The following WWOX variants were observed in gnomAD, a reference collection of about 807,000 sequenced individuals.
The protein encoded by WWOX is WW domain-containing oxidoreductase.
Under a neutral mutation model 46.2 loss-of-function variants are expected in WWOX, and 69 were observed. That is an observed-to-expected ratio of 1.49 (90% CI 1.23 to 1.82). WWOX has a LOEUF of 1.82. Among genes scored for constraint, WWOX ranks in the 40% most tolerant of loss-of-function variants. WWOX has a pLI of 0.00. For missense variants in WWOX, 919 were observed against 542.6 expected, an observed-to-expected ratio of 1.69 and a Z score of -6.89; for synonymous variants, 359 against 202.6, an observed-to-expected ratio of 1.77 and a Z score of -6.56.
chr16:78,379,888 A>G (rs2081916950), intron 5 of WWOX, among the ~76,000 whole-genome samples: 1 of 152,232 alleles, frequency 6.6e-6, no homozygotes, highest in African/African-American at 2.4e-5. Context: ...ATTGGTAAGC[A>G]TAATGTAGGC....
chr16:78,397,377 G>T (rs1201696758), intron 6 of WWOX, among the ~76,000 whole-genome samples: 1 of 152,144 alleles, frequency 6.6e-6, no homozygotes, highest in Non-Finnish European at 1.5e-5. Context: ...TCCTTATAAT[G>T]ACTCTAAGAG....
chr16:78,600,921 C>T (rs1201650009), intron 8 of WWOX, among the ~76,000 whole-genome samples: 1 of 152,184 alleles, frequency 6.6e-6, no homozygotes, highest in Non-Finnish European at 1.5e-5. Context: ...TCAGTCTCTG[C>T]AGGGCATCTG....
chr16:78,570,113 A>G (rs1462062822), intron 8 of WWOX, among the ~76,000 whole-genome samples: 2 of 152,238 alleles, frequency 1.3e-5, no homozygotes, highest in Non-Finnish European at 2.9e-5. Flanking sequence ...AAAGGGAGAC[A>G]GGTGAGAATA....
At chr16:78,605,849 T>C (rs1246800906) in intron 8 of WWOX, among the ~76,000 whole-genome samples, 1 of 152,140 alleles carries the variant, frequency 6.6e-6, no homozygotes, top group Non-Finnish European at 1.5e-5. Flanking sequence ...GTGTGTGTTG[T>C]TCTTTTTTTC....
At chr16:78,569,320 A>G (rs899569586) in intron 8 of WWOX, among the ~76,000 whole-genome samples, 1 of 152,326 alleles carries the variant, frequency 6.6e-6, no homozygotes, top group African/African-American at 2.4e-5. Context: ...AAAATGTCCT[A>G]TTTCATATCA....
chr16:78,689,486 T>C (rs74692107), intron 8 of WWOX, among the ~76,000 whole-genome samples: 305 of 152,332 alleles, frequency 2.0e-3, no homozygotes, highest in African/African-American at 7.0e-3. Flanking sequence ...AACTAGACCT[T>C]GACCTTGCTC....
At chr16:78,621,674 G>T (rs555665399) in intron 8 of WWOX, among the ~76,000 whole-genome samples, 3 of 127,964 alleles carry the variant, frequency 2.3e-5, no homozygotes, top group Non-Finnish European at 3.1e-5. Flanking sequence ...GCACCATCTC[G>T]GCTCACCACG....
At chr16:78,261,120 A>G (rs2079221521) in intron 5 of WWOX, among the ~76,000 whole-genome samples, 2 of 151,066 alleles carry the variant, frequency 1.3e-5, no homozygotes, top group Non-Finnish European at 2.9e-5. Flanking sequence ...TCACATTCAC[A>G]TTTTTTAAGT....
chr16:78,988,834 T>G (rs1238150073), intron 8 of WWOX, among the ~76,000 whole-genome samples: 1 of 152,148 alleles, frequency 6.6e-6, no homozygotes, highest in Non-Finnish European at 1.5e-5. Context: ...TGTGCATCCC[T>G]GGGGCCAGCA....
chr16:78,822,594 G>C (rs1451717606), intron 8 of WWOX, among the ~76,000 whole-genome samples: 1 of 152,130 alleles, frequency 6.6e-6, no homozygotes, highest in African/African-American at 2.4e-5. Flanking sequence ...AAAGTCTTCA[G>C]AGCCTAGATA....
intron 6 of WWOX, among the ~76,000 whole-genome samples, chr16:78,410,430 C>T (rs2082652719): frequency 6.6e-6 from 1 of 151,910 alleles, no homozygotes; most frequent in Non-Finnish European, 1.5e-5. Flanking sequence ...TTTATTTTTC[C>T]CAGTTACTAT....
chr16:78,956,573 C>T (rs2046171075), intron 8 of WWOX, among the ~76,000 whole-genome samples: 1 of 152,168 alleles, frequency 6.6e-6, no homozygotes, highest in Non-Finnish European at 1.5e-5. Flanking sequence ...CATGGAATGA[C>T]ATGTATCTAT....
At chr16:78,893,758 G>A (rs931070722) in intron 8 of WWOX, among the ~76,000 whole-genome samples, 5 of 151,978 alleles carry the variant, frequency 3.3e-5, no homozygotes, top group African/African-American at 4.8e-5. Flanking sequence ...CATACATTAC[G>A]TGCCTTTCTC....
intron 5 of WWOX, among the ~76,000 whole-genome samples, chr16:78,382,463 T>C (rs2151930495): frequency 6.6e-6 from 1 of 152,298 alleles, no homozygotes; most frequent in Admixed American, 6.5e-5. Flanking sequence ...TGTGAGCAAG[T>C]CATAATTCTG....
chr16:78,734,676 G>C (rs1215405814), intron 8 of WWOX, among the ~76,000 whole-genome samples: 1 of 151,760 alleles, frequency 6.6e-6, no homozygotes, highest in African/African-American at 2.4e-5. Context: ...CTGTGAGTGT[G>C]TTTCTGGGTG....
chr16:79,151,893 C>G (rs2050286666), intron 8 of WWOX, among the ~76,000 whole-genome samples: 1 of 152,080 alleles, frequency 6.6e-6, no homozygotes, highest in Non-Finnish European at 1.5e-5. Context: ...CTTTGTTTAT[C>G]TTTTTTTGTT....
intron 5 of WWOX, among the ~76,000 whole-genome samples, chr16:78,200,196 C>G (rs2036188991): frequency 6.6e-6 from 1 of 152,066 alleles, no homozygotes; most frequent in Non-Finnish European, 1.5e-5. Context: ...GCCTCAGCCG[C>G]TGACCCTGAT....
intron 8 of WWOX, among the ~76,000 whole-genome samples, chr16:78,928,535 C>G (rs2045552830): frequency 6.6e-6 from 1 of 152,200 alleles, no homozygotes; most frequent in East Asian, 1.9e-4. Context: ...TTTTCCCCTT[C>G]TGAAGTGAAT....
At chr16:78,134,728 T>G (rs1000227051) in intron 4 of WWOX, among the ~76,000 whole-genome samples, 3 of 152,186 alleles carry the variant, frequency 2.0e-5, no homozygotes, top group African/African-American at 7.2e-5. Flanking sequence ...CATTTAGGTG[T>G]TGTTTGCAAT....
Sources: allele counts gnomAD v4.1 joint callset (sites outside exome capture counted in the v4.1 genomes callset), GRCh38; gene constraint gnomAD v4.1.1; transcripts MANE v1.5; gene names NCBI Gene and HGNC (gene_info 2026-07-23, HGNC 2026-07-21).